The following ESCO1 variants were observed in gnomAD, a reference collection of about 807,000 sequenced individuals.
The protein encoded by ESCO1 is establishment of sister chromatid cohesion N-acetyltransferase 1.
Under a neutral mutation model 83.5 loss-of-function variants are expected in ESCO1, and 33 were observed. The ratio of observed to expected loss-of-function variants is 0.40; its 90% confidence interval spans 0.30 to 0.53. The LOEUF is 0.53. Ranked by LOEUF, ESCO1 falls within the 20% of genes least tolerant of loss-of-function variation. The pLI, the probability that ESCO1 is intolerant of heterozygous loss-of-function variation, is 0.63. For missense variants in ESCO1, 855 were observed against 968.0 expected, an observed-to-expected ratio of 0.88 and a Z score of 1.55; for synonymous variants, 332 against 324.3, an observed-to-expected ratio of 1.02 and a Z score of -0.25.
At chr18:21,567,708 C>A (rs2038281437) in intron 5 of ESCO1, among the ~76,000 whole-genome samples, 1 of 152,134 alleles carries the variant, frequency 6.6e-6, no homozygotes, top group South Asian at 2.1e-4. Flanking sequence ...AAGAACACTT[C>A]TCAAGAAAGT....
intron 2 of ESCO1, among the ~76,000 whole-genome samples, chr18:21,582,735 C>T (rs2038519446): frequency 6.6e-6 from 1 of 152,172 alleles, no homozygotes; most frequent in Admixed American, 6.5e-5. Context: ...TTAAAACCAA[C>T]ACAAAATATC....
chr18:21,532,697 G>A (rs2037783012), intron 10 of ESCO1, 37 bp from the exon 11 acceptor site: 1 of 1,593,552 alleles, frequency 6.3e-7, no homozygotes, highest in Non-Finnish European at 8.6e-7. Context: ...ATTTAAGTGA[G>A]ATTATTAATT....
chr18:21,541,323 G>A (rs796399658), intron 8 of ESCO1, among the ~76,000 whole-genome samples: 12 of 152,062 alleles, frequency 7.9e-5, no homozygotes, highest in African/African-American at 2.2e-4. Flanking sequence ...ACTTAAGGCC[G>A]GGTGCAGTGG....
At chr18:21,579,771 GACACAC>G in intron 2 of ESCO1, among the ~76,000 whole-genome samples, 1 of 117,894 alleles carries the variant, frequency 8.5e-6, no homozygotes, top group African/African-American at 3.4e-5. Flanking sequence ...GCGAGATTCT[GACACAC>G]ACACACACGC....
chr18:21,574,821 G>T lies in ESCO1; in HGVS notation c.23C>A (p.Ser8Ter). ...AGTAACTTTGGAGGAATTCTCTTTT[G>T]ATTTCTCCTGAATGGACATCATTCC... Reference protein sequence around the residue: MMSIQEKSKENSSKVTKK... With the variant: MMSIQEK The change falls in exon 4 of 12, where the codon TCA becomes TAA. Residue 8 changes from serine (S) to a stop codon, truncating the protein, a stop_gained. Coordinates refer to ENST00000269214, the MANE Select transcript of ESCO1 (RefSeq NM_052911.3). LOFTEE classifies it high-confidence loss of function. 1 of 1,591,346 alleles carries T rather than the reference G, an allele frequency of 6.3e-7. No homozygotes were observed. The highest frequency in any genetic ancestry group is 1.1e-5 in the South Asian group (1 of 88,560).
At chr18:21,591,034 A>C (rs9954668) in intron 1 of ESCO1, among the ~76,000 whole-genome samples, 1,676 of 152,260 alleles carry the variant, frequency 0.011, 40 homozygotes, top group African/African-American at 0.038. Flanking sequence ...TGGGCCCCCC[A>C]AAAAATACAC....
In ESCO1 at chr18:21,574,919, G is replaced by C; in HGVS notation, c.-76C>G. On this transcript the variant is annotated 5_prime_UTR_variant, in exon 4 of 12. Transcript: ENST00000269214. ...TCCTGGTAGGCGTGAATGCTGACTA[G>C]CTAGTATTATTACTGAGGAGCAGGT... 8.8e-7 allele frequency: 1 copy of C among 1,134,996 alleles called. No individual in the cohort carries two copies. Among genetic ancestry groups the C allele is most frequent in the Non-Finnish European group, 1.2e-6 (1 of 819,044 alleles). The allele number at this position is 1,134,996 out of a possible 1,614,324, so 70.3% of individuals were successfully genotyped here. A position where few individuals can be genotyped will look rare whatever the true frequency, so the allele number is the denominator to read the frequency against.
chr18:21,597,984 A>C (rs2146242849), intron 1 of ESCO1, among the ~76,000 whole-genome samples: 1 of 152,336 alleles, frequency 6.6e-6, no homozygotes, highest in African/African-American at 2.4e-5. Context: ...GAAAAACAGA[A>C]CCAAAGGATT....
chr18:21,556,638 T>C (rs1290668725), intron 8 of ESCO1, among the ~76,000 whole-genome samples: 5 of 152,104 alleles, frequency 3.3e-5, no homozygotes, highest in African/African-American at 1.2e-4. Flanking sequence ...TTTAATTTCA[T>C]GTAGCCTAGT....
At chr18:21,587,481 T>G (rs569926753) in intron 1 of ESCO1, among the ~76,000 whole-genome samples, 8 of 152,362 alleles carry the variant, frequency 5.3e-5, no homozygotes, top group African/African-American at 1.9e-4. Flanking sequence ...TTATAAGAAC[T>G]TGTCTATTTT....
chr18:21,571,334 T>C (rs1022191613), intron 4 of ESCO1, among the ~76,000 whole-genome samples: 1 of 151,974 alleles, frequency 6.6e-6, no homozygotes, highest in African/African-American at 2.4e-5. Context: ...ATTACAGGTG[T>C]GCACCACCAC....
intron 2 of ESCO1, among the ~76,000 whole-genome samples, chr18:21,583,318 T>C (rs2038528764): frequency 6.6e-6 from 1 of 151,452 alleles, no homozygotes; most frequent in South Asian, 2.1e-4. Context: ...AGAAATTCTG[T>C]CTTTTACAAA....
rs1436954329 is a variant in ESCO1, at chr18:21,536,045, T to C, written c.2184A>G (p.Gln728=). The change falls in exon 10 of 12, where the codon CAA becomes CAG. Residue 728 remains glutamine, a synonymous_variant. Transcript: ENST00000269214. The part of the protein sequence containing the change: ...VVGCLIAEHI[Q]WGYRVIEEKL... ...AGAACACTCTTTTATCACTTACCCATTGGATATGTTCCGCAATTAGGCAGC... is the reference window on the plus strand; with the variant it reads ...AGAACACTCTTTTATCACTTACCCACTGGATATGTTCCGCAATTAGGCAGC... 1.9e-6 allele frequency: 3 copies of C among 1,613,570 alleles called. No individual in the cohort carries two copies. Among genetic ancestry groups the C allele is most frequent in the East Asian group, 4.5e-5 (2 of 44,872 alleles).
At position 21,561,076 on chromosome 18, in the gene ESCO1, AAAGT is replaced by A. The variant is rs1204201138; in HGVS notation, c.1822-90_1822-87del. On this transcript the variant is annotated intron_variant, in intron 7 of 11. Transcript: ENST00000269214. ...GCCTCTAAGGCTATAGTGTGAGCAT[AAAGT>A]AAGAATTGTTTAATCTACATGAATA... 3.8e-6 allele frequency: 5 copies of A among 1,332,838 alleles called. No individual in the cohort carries two copies. In the African/African-American group the frequency reaches 6.0e-5, roughly 16 times the overall value. 82.6% of individuals were successfully genotyped at this position (1,332,838 alleles called of 1,614,324 possible).
intron 2 of ESCO1, among the ~76,000 whole-genome samples, chr18:21,582,067 G>A (rs991291371): frequency 2.0e-5 from 3 of 152,020 alleles, no homozygotes; most frequent in Admixed American, 1.3e-4. Flanking sequence ...CAGCCTGGGC[G>A]ACAGAGACCC....
chr18:21,591,283 GT>G (rs2038664107), intron 1 of ESCO1, among the ~76,000 whole-genome samples: 1 of 152,228 alleles, frequency 6.6e-6, no homozygotes, highest in African/African-American at 2.4e-5. Flanking sequence ...TTGGAGTAAT[GT>G]GGTCATAGGC....
At chr18:21,560,707 AAAGCCAGTAT>A in intron 8 of ESCO1, 142 bp downstream of exon 8, 1 of 737,290 alleles carries the variant, frequency 1.4e-6, no homozygotes, top group Non-Finnish European at 2.0e-6. Context: ...TTGTTTTTAA[AAAGCCAGTAT>A]ACATACTACA....
intron 8 of ESCO1, among the ~76,000 whole-genome samples, chr18:21,548,350 C>G (rs1238881691): frequency 6.6e-6 from 1 of 151,484 alleles, no homozygotes; most frequent in Non-Finnish European, 1.5e-5. Context: ...GAAAAATTAG[C>G]TGAGTGTGAT....
At chr18:21,549,804 TA>T (rs1371898958) in intron 8 of ESCO1, among the ~76,000 whole-genome samples, 2 of 151,430 alleles carry the variant, frequency 1.3e-5, no homozygotes, top group African/African-American at 4.9e-5. Context: ...CTGTCTCTAC[TA>T]AAAATACAAA....
Sources: gnomAD v4.1 joint callset for allele counts (sites outside exome capture counted in the v4.1 genomes callset) on GRCh38, gnomAD v4.1.1 for gene constraint, MANE v1.5 for transcripts, NCBI Gene and HGNC (gene_info 2026-07-23, HGNC 2026-07-21) for gene names.